The following KANSL2 variants were observed in gnomAD, a reference collection of about 807,000 sequenced individuals.
The protein encoded by KANSL2 is KAT8 regulatory NSL complex subunit 2.
In KANSL2, 34 loss-of-function variants were observed where a neutral mutation model predicts 55.6. That is an observed-to-expected ratio of 0.61 (90% CI 0.46 to 0.81). The LOEUF (loss-of-function observed/expected upper bound fraction) is 0.81, where lower values mean the gene tolerates loss of function less well. KANSL2 is among the 40% of genes least tolerant of loss of function. The pLI is 0.00. For synonymous variants in KANSL2, 209 were observed against 214.3 expected (o/e 0.98, Z 0.22); for missense variants, 502 against 609.9 (o/e 0.82, Z 1.86).
chr12:48,668,794 C>A (rs1939649988), intron 6 of KANSL2, among the ~76,000 whole-genome samples: 1 of 152,176 alleles, frequency 6.6e-6, no homozygotes, highest in Non-Finnish European at 1.5e-5. Flanking sequence ...GCAATCCCAA[C>A]ACTTTGGGAG....
chr12:48,659,692 G>A (rs1321673563), intron 8 of KANSL2, among the ~76,000 whole-genome samples: 1 of 151,904 alleles, frequency 6.6e-6, no homozygotes, highest in East Asian at 1.9e-4. Flanking sequence ...CAGAAACTCT[G>A]TCTCAAAAGT....
chr12:48,679,430 T>TA (rs768536890), intron 3 of KANSL2, among the ~76,000 whole-genome samples: 58 of 152,200 alleles, frequency 3.8e-4, no homozygotes, highest in Non-Finnish European at 1.6e-4. Flanking sequence ...TGCTGAGCAT[T>TA]AAAAAAGCAA....
chr12:48,667,572 G>A, intron 7 of KANSL2, 121 bp downstream of exon 7: 2 of 809,664 alleles, frequency 2.5e-6, no homozygotes, highest in Non-Finnish European at 4.4e-6. Flanking sequence ...TCAGCAAACT[G>A]CTGGCCTTGA....
chr12:48,660,867 C>G (rs1320350475), intron 7 of KANSL2, among the ~76,000 whole-genome samples: 1 of 152,148 alleles, frequency 6.6e-6, no homozygotes, highest in Non-Finnish European at 1.5e-5. Context: ...TTTCAGGATC[C>G]TGGTCATTTA....
intron 4 of KANSL2, among the ~76,000 whole-genome samples, chr12:48,674,916 ACT>A (rs1250220101): frequency 6.6e-6 from 1 of 151,376 alleles, no homozygotes; most frequent in African/African-American, 2.4e-5. Flanking sequence ...ACAGAACGAG[ACT>A]CTGTCTCCAA....
chr12:48,673,514 C>G, intron 4 of KANSL2, among the ~76,000 whole-genome samples: 1 of 149,498 alleles, frequency 6.7e-6, no homozygotes, highest in East Asian at 2.0e-4. Context: ...GAGCTGAGAT[C>G]GTGCCACTGC....
Position 48,660,509 on chromosome 12 carries a change from G to A in KANSL2, c.1084C>T (p.Leu362=), listed in dbSNP as rs772228059. 94 of 1,613,682 alleles carry A rather than the reference G, an allele frequency of 5.8e-5. No homozygotes were observed. Among genetic ancestry groups the A allele is most frequent in the Non-Finnish European group, 6.8e-5 (80 of 1,179,810 alleles). The part of the protein sequence containing the change: ...VSLSEDPCCP[L]HFQLPPQMYK... ...ATCTGAGGAGGCAACTGGAAATGCA[G>A]TGGGCAGCAGGGATCCTCAGAGAGG... Residue 362 remains leucine, a synonymous_variant, in exon 8 of 10, where the codon CTG becomes TTG. Coordinates refer to ENST00000420613, the MANE Select transcript of KANSL2 (RefSeq NM_017822.4).
intron 7 of KANSL2, among the ~76,000 whole-genome samples, chr12:48,665,750 C>G (rs1939585926): frequency 6.6e-6 from 1 of 152,082 alleles, no homozygotes; most frequent in South Asian, 2.1e-4. Context: ...AGGCCCAATG[C>G]CAAATGTAGT....
At chr12:48,681,279 T>C in intron 2 of KANSL2, 103 bp downstream of exon 2, 1 of 1,378,716 alleles carries the variant, frequency 7.3e-7, no homozygotes, top group South Asian at 1.5e-5. Context: ...ACCCCAAATT[T>C]ACAAGGACAA....
chr12:48,663,990 T>C (rs1427862958), intron 7 of KANSL2, among the ~76,000 whole-genome samples: 1 of 140,682 alleles, frequency 7.1e-6, no homozygotes, highest in Non-Finnish European at 1.5e-5. Flanking sequence ...CGATATCGGC[T>C]CACCGCCTCC....
chr12:48,681,775 C>T, intron 1 of KANSL2, 134 bp from the exon 2 acceptor site: 2 of 1,128,036 alleles, frequency 1.8e-6, no homozygotes, highest in South Asian at 2.6e-5. Context: ...GTCCCCGCCG[C>T]CCTCCCCAAG....
At chr12:48,677,998 T>C (rs111433090) in intron 4 of KANSL2, among the ~76,000 whole-genome samples, 1 of 152,042 alleles carries the variant, frequency 6.6e-6, no homozygotes, top group African/African-American at 2.4e-5. Flanking sequence ...CATACGGCCA[T>C]ACTATCCGGA....
chr12:48,657,324 C>G (rs1307577419), intron 8 of KANSL2, among the ~76,000 whole-genome samples: 1 of 152,110 alleles, frequency 6.6e-6, no homozygotes, highest in African/African-American at 2.4e-5. Flanking sequence ...ACTCAGGACA[C>G]TGAGGCAGGA....
At chr12:48,679,446 G>T (rs1464600973) in intron 3 of KANSL2, among the ~76,000 whole-genome samples, 2 of 152,076 alleles carry the variant, frequency 1.3e-5, no homozygotes, top group African/African-American at 2.4e-5. Flanking sequence ...AGCAATGAAA[G>T]AAATGGTCAC....
intron 8 of KANSL2, chr12:48,658,807 C>T (rs1321143206): frequency 6.6e-6 from 1 of 152,080 alleles, no homozygotes; most frequent in Non-Finnish European, 1.5e-5. Flanking sequence ...TTACTATCTC[C>T]AAAACCAGCA....
At chr12:48,668,529 G>A (rs1216981263) in intron 6 of KANSL2, among the ~76,000 whole-genome samples, 2 of 151,948 alleles carry the variant, frequency 1.3e-5, no homozygotes, top group Admixed American at 6.6e-5. Flanking sequence ...GAGAAACCCC[G>A]TCTCTACTAA....
intron 7 of KANSL2, among the ~76,000 whole-genome samples, chr12:48,661,936 CAG>C (rs1939495667): frequency 6.6e-6 from 1 of 152,134 alleles, no homozygotes; most frequent in South Asian, 2.1e-4. Context: ...TCTAAAGAAA[CAG>C]AAGATAGTAC....
At chr12:48,678,903 A>G in intron 4 of KANSL2, 133 bp downstream of exon 4, 1 of 607,636 alleles carries the variant, frequency 1.6e-6, no homozygotes, top group African/African-American at 1.8e-5. Context: ...TGCCACTTTT[A>G]TATACAGAAC....
At chr12:48,659,123 G>A (rs950618725) in intron 8 of KANSL2, among the ~76,000 whole-genome samples, 25 of 151,932 alleles carry the variant, frequency 1.6e-4, no homozygotes, top group Non-Finnish European at 2.1e-4. Context: ...GTGAAACCCT[G>A]TCTCTACAAA....
Sources: allele counts gnomAD v4.1 joint callset (sites outside exome capture counted in the v4.1 genomes callset), GRCh38; gene constraint gnomAD v4.1.1; transcripts MANE v1.5; gene names NCBI Gene and HGNC (gene_info 2026-07-23, HGNC 2026-07-21).